CD44: variants seen among roughly 807,000 people sequenced by gnomAD.
CD44 encodes the protein CD44 antigen.
CD44 carries 49 observed loss-of-function variants against 88.8 expected under a neutral mutation model. The observed-to-expected ratio is 0.55, with a 90% CI of 0.44 to 0.70. CD44 has a LOEUF of 0.70. CD44 is among the 30% of genes least tolerant of loss of function. The pLI is 0.00. For missense variants in CD44, 883 were observed against 913.8 expected (o/e 0.97, Z 0.43); for synonymous variants, 325 against 312.3 (o/e 1.04, Z -0.43).
intron 1 of CD44, among the ~76,000 whole-genome samples, chr11:35,176,039 A>ATTT (rs201610565): frequency 9.8e-6 from 1 of 102,212 alleles, no homozygotes; most frequent in Non-Finnish European, 2.0e-5. Flanking sequence ...TAATTTTTGT[A>ATTT]TTTTTTTTTT....
At chr11:35,153,010 ATCGTGGTCTGATAACAGGGCAT>A in intron 1 of CD44, among the ~76,000 whole-genome samples, 1 of 152,230 alleles carries the variant, frequency 6.6e-6, no homozygotes, top group East Asian at 1.9e-4. Context: ...AAAGGAAGTT[ATCGTGGTCTGATAACAGGGCAT>A]GTCAGAATGG....
At position 35,201,237 on chromosome 11, in the gene CD44, C is replaced by T. The variant is rs772949914; in HGVS notation, c.1036+42C>T. 5.1e-6 allele frequency: 7 copies of T among 1,360,388 alleles called. No individual in the cohort carries two copies. In the South Asian group the frequency reaches 5.8e-5, roughly 11 times the overall value. 84.3% of individuals were successfully genotyped at this position (1,360,388 alleles called of 1,614,324 possible). A position where few individuals can be genotyped will look rare whatever the true frequency, so the allele number is the denominator to read the frequency against. ...ATTTAATGAAAGATTTTTTTCCCCT[C>T]AAAGCCCATGATGCTGCAAAGGTCA... On this transcript the variant is annotated intron_variant, in intron 8 of 17. Coordinates refer to ENST00000428726, the MANE Select transcript of CD44 (RefSeq NM_000610.4).
intron 1 of CD44, among the ~76,000 whole-genome samples, chr11:35,160,378 T>C (rs937304214): frequency 5.3e-5 from 8 of 152,224 alleles, no homozygotes; most frequent in African/African-American, 1.7e-4. Context: ...GAGAGCAGGA[T>C]GCTGGTAACA....
At chr11:35,145,817 C>G (rs1170400516) in intron 1 of CD44, among the ~76,000 whole-genome samples, 1 of 152,164 alleles carries the variant, frequency 6.6e-6, no homozygotes, top group East Asian at 1.9e-4. Flanking sequence ...CTGTCGGTCT[C>G]TTTGGGCAAT....
chr11:35,194,537 G>A (rs1946553215), intron 5 of CD44, among the ~76,000 whole-genome samples: 1 of 152,282 alleles, frequency 6.6e-6, no homozygotes, highest in Non-Finnish European at 1.5e-5. Context: ...CAACAGCAAC[G>A]ACAGGTAAAC....
intron 15 of CD44, among the ~76,000 whole-genome samples, chr11:35,218,298 T>C (rs1401808598): frequency 6.6e-6 from 1 of 152,212 alleles, no homozygotes; most frequent in Non-Finnish European, 1.5e-5. Flanking sequence ...AGGGTGATTT[T>C]TCATAGTCAG....
chr11:35,222,973 C>T (rs1211633606), intron 17 of CD44: 2 of 985,218 alleles, frequency 2.0e-6, no homozygotes, highest in Non-Finnish European at 2.4e-6. Context: ...ATTCCAACAC[C>T]ATGGGCAGCC....
intron 1 of CD44, among the ~76,000 whole-genome samples, chr11:35,145,811 C>A (rs541056834): frequency 6.6e-5 from 10 of 152,216 alleles, no homozygotes; most frequent in Admixed American, 6.5e-4. Flanking sequence ...CCTTCTCTGT[C>A]GGTCTCTTTG....
intron 1 of CD44, among the ~76,000 whole-genome samples, chr11:35,173,912 G>A (rs1944178380): frequency 6.6e-6 from 1 of 152,334 alleles, no homozygotes; most frequent in South Asian, 2.1e-4. Context: ...ATGGGTTTGG[G>A]TGGTAAACAG....
At chr11:35,203,184 C>T (rs1947474418) in intron 9 of CD44, among the ~76,000 whole-genome samples, 1 of 152,140 alleles carries the variant, frequency 6.6e-6, no homozygotes. Flanking sequence ...GAAAGTCAAC[C>T]TTCATCTTTT....
intron 1 of CD44, among the ~76,000 whole-genome samples, chr11:35,151,950 G>C (rs989064333): frequency 1.3e-5 from 2 of 152,150 alleles, no homozygotes; most frequent in African/African-American, 2.4e-5. Flanking sequence ...CCTGGCAAAG[G>C]GTCCCTTCTT....
chr11:35,223,587 A>G (rs2134394557), intron 17 of CD44, among the ~76,000 whole-genome samples: 2 of 152,262 alleles, frequency 1.3e-5, no homozygotes, highest in Middle Eastern at 6.8e-3. Context: ...CCTCCTCCCA[A>G]GACCAGCAGT....
At chr11:35,156,402 A>G (rs1357403882) in intron 1 of CD44, among the ~76,000 whole-genome samples, 1 of 152,096 alleles carries the variant, frequency 6.6e-6, no homozygotes, top group Admixed American at 6.5e-5. Context: ...ATGGACCTGA[A>G]GGATGTGATT....
intron 1 of CD44, among the ~76,000 whole-genome samples, chr11:35,168,903 G>T (rs1009353416): frequency 6.6e-6 from 1 of 152,214 alleles, no homozygotes; most frequent in Non-Finnish European, 1.5e-5. Context: ...TAACTGAGAT[G>T]ATAGCTTGCA....
At chr11:35,184,035 A>G (rs1203501786) in intron 3 of CD44, among the ~76,000 whole-genome samples, 8 of 152,176 alleles carry the variant, frequency 5.3e-5, no homozygotes, top group Non-Finnish European at 8.8e-5. Context: ...GGTTTATGAG[A>G]AAGCCCACCT....
At chr11:35,142,282 C>T (rs1858141892) in intron 1 of CD44, among the ~76,000 whole-genome samples, 1 of 152,056 alleles carries the variant, frequency 6.6e-6, no homozygotes, top group Non-Finnish European at 1.5e-5. Context: ...TACCATTTGA[C>T]CCAGCCATCC....
chr11:35,147,653 T>G (rs1410987654), intron 1 of CD44, among the ~76,000 whole-genome samples: 1 of 151,670 alleles, frequency 6.6e-6, no homozygotes, highest in South Asian at 2.1e-4. Flanking sequence ...CTCTTTACAC[T>G]TAACAGGTCT....
chr11:35,155,935 G>T (rs1275479389), intron 1 of CD44, among the ~76,000 whole-genome samples: 2 of 152,128 alleles, frequency 1.3e-5, no homozygotes, highest in Non-Finnish European at 2.9e-5. Flanking sequence ...GGCATTACTG[G>T]CCTCCTGTAT....
chr11:35,183,172 T>G (rs1473595327), intron 3 of CD44, among the ~76,000 whole-genome samples: 2 of 152,176 alleles, frequency 1.3e-5, no homozygotes, highest in Non-Finnish European at 2.9e-5. Context: ...CCAAATTGAC[T>G]CGATATTGAT....
Sources: allele counts gnomAD v4.1 joint callset (sites outside exome capture counted in the v4.1 genomes callset), GRCh38; gene constraint gnomAD v4.1.1; transcripts MANE v1.5; gene names NCBI Gene and HGNC (gene_info 2026-07-23, HGNC 2026-07-21).